Variants in SNTG1 observed in about 807,000 individuals in gnomAD.
SNTG1 encodes syntrophin gamma 1, also known as gamma-1-syntrophin.
A neutral mutation model predicts 74.7 loss-of-function variants in SNTG1; 39 were observed. The observed-to-expected ratio is 0.52, with a 90% CI of 0.40 to 0.68. The LOEUF (loss-of-function observed/expected upper bound fraction) is 0.68. Among genes scored for constraint, SNTG1 ranks in the 30% least tolerant of loss-of-function variants. SNTG1 has a pLI of 0.00. For missense variants in SNTG1, 685 were observed against 609.5 expected (o/e 1.12, Z -1.30); for synonymous variants, 254 against 217.1 (o/e 1.17, Z -1.49).
intron 15 of SNTG1, among the ~76,000 whole-genome samples, chr8:50,668,686 T>C (rs901836583): frequency 2.0e-5 from 3 of 151,786 alleles, no homozygotes; most frequent in African/African-American, 7.3e-5. Context: ...ATGTGTGTTG[T>C]TTCCCACCCT....
At chr8:50,480,039 CTG>C (rs2093727216) in intron 8 of SNTG1, among the ~76,000 whole-genome samples, 1 of 152,164 alleles carries the variant, frequency 6.6e-6, no homozygotes, top group South Asian at 2.1e-4. Context: ...CCTTGTCTAA[CTG>C]AGGATAGAGC....
intron 18 of SNTG1, among the ~76,000 whole-genome samples, chr8:50,756,474 C>T (rs1192698012): frequency 6.6e-6 from 1 of 151,574 alleles, no homozygotes; most frequent in African/African-American, 2.4e-5. Context: ...TTTTATTTTT[C>T]TGCATTGCCT....
intron 13 of SNTG1, among the ~76,000 whole-genome samples, chr8:50,595,095 G>T (rs1278472568): frequency 6.7e-6 from 1 of 149,158 alleles, no homozygotes; most frequent in Non-Finnish European, 1.5e-5. Flanking sequence ...ACTGACAATT[G>T]GTCTTTATTT....
chr8:50,217,377 A>G (rs1055017621), intron 2 of SNTG1, among the ~76,000 whole-genome samples: 2 of 152,040 alleles, frequency 1.3e-5, no homozygotes, highest in South Asian at 4.1e-4. Flanking sequence ...AGCACTATAT[A>G]TATATTATAT....
At chr8:50,508,339 G>A (rs182704943) in intron 9 of SNTG1, among the ~76,000 whole-genome samples, 2 of 152,218 alleles carry the variant, frequency 1.3e-5, no homozygotes, top group Non-Finnish European at 2.9e-5. Context: ...ATTTGGCTTG[G>A]TTCCAAGTCT....
intron 18 of SNTG1, among the ~76,000 whole-genome samples, chr8:50,757,986 C>A (rs2095585751): frequency 6.6e-6 from 1 of 151,898 alleles, no homozygotes; most frequent in Admixed American, 6.6e-5. Flanking sequence ...GCCTCTCCTT[C>A]CTTCTATTAT....
rs1365830202 is a variant in SNTG1 at position 50,120,757 on chromosome 8, C to T, written c.-102-51804C>T. ...TTAGGTGATCACATTTTAATGTCCA[C>T]ATTCTGTTTTTATTTTTGGGCCTCA... On this transcript the variant is annotated intron_variant, in intron 1 of 18. Coordinates refer to ENST00000642720, the MANE Select transcript of SNTG1 (RefSeq NM_018967.5). Among the ~76,000 whole-genome samples, 3 of 142,550 alleles carry T rather than the reference C, an allele frequency of 2.1e-5. 1 individual carries two copies. Among genetic ancestry groups the T allele is most frequent in the Non-Finnish European group, 4.7e-5 (3 of 64,042 alleles). 93.5% of individuals were successfully genotyped at this position (142,550 alleles called of 152,430 possible).
chr8:50,441,525 A>G (rs1369551391), intron 5 of SNTG1, among the ~76,000 whole-genome samples: 1 of 152,190 alleles, frequency 6.6e-6, no homozygotes, highest in African/African-American at 2.4e-5. Context: ...AATTCCTGAA[A>G]TCCCAAAGAA....
chr8:50,305,745 T>C (rs1196947856), intron 2 of SNTG1, among the ~76,000 whole-genome samples: 1 of 152,176 alleles, frequency 6.6e-6, no homozygotes, highest in East Asian at 1.9e-4. Context: ...AAATTACTCA[T>C]AATAAAGTTT....
At chr8:50,330,380 G>A (rs1028009490) in intron 2 of SNTG1, among the ~76,000 whole-genome samples, 1 of 152,062 alleles carries the variant, frequency 6.6e-6, no homozygotes, top group African/African-American at 2.4e-5. Context: ...CCAGTGTCAG[G>A]TTTGTCTTTA....
At chr8:50,508,885 A>T (rs1343162700) in intron 9 of SNTG1, among the ~76,000 whole-genome samples, 2 of 151,964 alleles carry the variant, frequency 1.3e-5, no homozygotes, top group Non-Finnish European at 2.9e-5. Context: ...GTTCACTCTG[A>T]TGGTGGTTTC....
intron 1 of SNTG1, among the ~76,000 whole-genome samples, chr8:50,170,609 G>A (rs926721548): frequency 6.6e-6 from 1 of 152,116 alleles, no homozygotes. Flanking sequence ...ATTTAAAATA[G>A]TACTCTTTTG....
At chr8:50,663,777 T>C (rs2095237119) in intron 15 of SNTG1, among the ~76,000 whole-genome samples, 1 of 152,230 alleles carries the variant, frequency 6.6e-6, no homozygotes, top group Admixed American at 6.5e-5. Flanking sequence ...TTTTTGAAAT[T>C]AATATACACT....
chr8:50,779,883 A>AG (rs1419443429), intron 18 of SNTG1, among the ~76,000 whole-genome samples: 1 of 149,670 alleles, frequency 6.7e-6, no homozygotes, highest in Non-Finnish European at 1.5e-5. Context: ...TCCCATCAAT[A>AG]CCTAATTTAT....
chr8:50,186,480 A>T (rs979928439), intron 2 of SNTG1, among the ~76,000 whole-genome samples: 1 of 152,156 alleles, frequency 6.6e-6, no homozygotes, highest in African/African-American at 2.4e-5. Flanking sequence ...ACTAATTTAC[A>T]TTCACACCAA....
At chr8:50,013,480 T>C (rs1563471781) in intron 1 of SNTG1, among the ~76,000 whole-genome samples, 1 of 150,914 alleles carries the variant, frequency 6.6e-6, no homozygotes, top group African/African-American at 2.4e-5. Context: ...GATAGATAGA[T>C]AGATAGATAG....
intron 9 of SNTG1, among the ~76,000 whole-genome samples, chr8:50,513,064 T>C (rs2094097821): frequency 6.6e-6 from 1 of 152,168 alleles, no homozygotes; most frequent in South Asian, 2.1e-4. Context: ...CCTTTGGTCT[T>C]TGATGATGGT....
intron 8 of SNTG1, among the ~76,000 whole-genome samples, chr8:50,497,917 C>T (rs896813978): frequency 6.6e-6 from 1 of 151,802 alleles, no homozygotes; most frequent in Non-Finnish European, 1.5e-5. Flanking sequence ...ATTTATTCAC[C>T]TGGTATCATG....
intron 8 of SNTG1, among the ~76,000 whole-genome samples, chr8:50,501,425 GTTTTTTTTT>G (rs59123896): frequency 1.8e-5 from 1 of 57,082 alleles, no homozygotes; most frequent in Non-Finnish European, 2.9e-5. Context: ...GAGCCTGTGC[GTTTTTTTTT>G]TTTTTTTTTT....
Sources: gnomAD v4.1 joint callset for allele counts (sites outside exome capture counted in the v4.1 genomes callset) on GRCh38, gnomAD v4.1.1 for gene constraint, MANE v1.5 for transcripts, NCBI Gene and HGNC (gene_info 2026-07-23, HGNC 2026-07-21) for gene names.